MORN3: variants seen among roughly 807,000 people sequenced by gnomAD.
MORN3 encodes the protein MORN repeat-containing protein 3.
A neutral mutation model predicts 34.7 loss-of-function variants in MORN3; 38 were observed. That is an observed-to-expected ratio of 1.10 (90% CI 0.85 to 1.44). The LOEUF (loss-of-function observed/expected upper bound fraction) is 1.44, where lower values mean the gene tolerates loss of function less well. Among genes scored for constraint, MORN3 ranks in the 40% most tolerant of loss-of-function variants. The pLI is 0.00. For synonymous variants in MORN3, 109 were observed against 115.3 expected (o/e 0.95, Z 0.35); for missense variants, 311 against 321.7 (o/e 0.97, Z 0.25).
chr12:121,652,936 C>A, intron 4 of MORN3, 128 bp from the exon 5 acceptor site: 1 of 1,419,580 alleles, frequency 7.0e-7, no homozygotes. Context: ...GCTAGGGATG[C>A]CCTGACTGAA....
At chr12:121,653,017 A>G (rs1594219236) in intron 4 of MORN3, 58 bp downstream of exon 4, 2 of 1,528,518 alleles carry the variant, frequency 1.3e-6, no homozygotes, top group Non-Finnish European at 1.8e-6. Context: ...ATGGCTGGGG[A>G]TGCTGGCTTC....
At chr12:121,657,877 TA>T (rs1893456095) in intron 2 of MORN3, among the ~76,000 whole-genome samples, 1 of 151,106 alleles carries the variant, frequency 6.6e-6, no homozygotes, top group Non-Finnish European at 1.5e-5. Flanking sequence ...AAAAAATAAA[TA>T]AATTAATAAT....
Position 121,652,727 on chromosome 12 carries a change from C to T in MORN3, c.*6+1G>A, listed in dbSNP as rs1893287776. The T allele has an allele frequency of 1.2e-6, 2 of 1,613,956 alleles. No individual in the cohort carries two copies. Among genetic ancestry groups the T allele is most frequent in the Admixed American group, 1.7e-5 (1 of 59,998 alleles). On this transcript the variant is annotated splice_donor_variant, in intron 5 of 5. Transcript: ENST00000355329. LOFTEE classifies it low-confidence loss of function (3UTR_SPLICE). ...ACTTGGCAGGTGTGCCCACCCCTCACCTGGCATCAATCTCCTTCCTCTGTC... is the reference window on the plus strand; with the variant it reads ...ACTTGGCAGGTGTGCCCACCCCTCATCTGGCATCAATCTCCTTCCTCTGTC...
intron 1 of MORN3, among the ~76,000 whole-genome samples, chr12:121,666,717 C>T (rs1212065126): frequency 2.6e-5 from 4 of 151,940 alleles, no homozygotes; most frequent in Non-Finnish European, 5.9e-5. Context: ...TGGGGTGCTT[C>T]GTTCTCCTGC....
At position 121,669,349 on chromosome 12, in the gene MORN3, G is replaced by A. The variant is rs35343615; in HGVS notation, c.135C>T (p.Asn45=). Residue 45 remains asparagine, a synonymous_variant, in exon 1 of 6, where the codon AAC becomes AAT. Coordinates refer to ENST00000355329, the MANE Select transcript of MORN3 (RefSeq NM_173855.5). ...CGGAGTCCCACTCACCGTGTTTCAC[G>A]TTGTCCTTCCACTCGCCCACATAGT... The part of the protein sequence containing the change: ...GDYYVGEWKD[N]VKHGKGTQVW... 0.034 allele frequency: 55,368 copies of A among 1,613,452 alleles called. 1,552 individuals are homozygous for A. The highest frequency in any genetic ancestry group is 0.17 in the East Asian group (7,591 of 44,778).
chr12:121,660,437 C>T (rs1456568818), intron 1 of MORN3, among the ~76,000 whole-genome samples: 2 of 147,924 alleles, frequency 1.4e-5, no homozygotes, highest in African/African-American at 2.5e-5. Flanking sequence ...CTGCAACCTC[C>T]GCCTCCTGGT....
intron 2 of MORN3, among the ~76,000 whole-genome samples, chr12:121,656,872 T>C (rs144069994): frequency 2.6e-5 from 4 of 152,286 alleles, no homozygotes; most frequent in Middle Eastern, 3.4e-3. Context: ...CTGGGCACCC[T>C]GTGAAAACAT....
At chr12:121,658,208 T>C (rs931836059) in intron 2 of MORN3, among the ~76,000 whole-genome samples, 9 of 152,134 alleles carry the variant, frequency 5.9e-5, no homozygotes, top group African/African-American at 2.2e-4. Context: ...TGTTTGCTTA[T>C]CAATAAAATG....
upstream of MORN3, among the ~76,000 whole-genome samples, chr12:121,670,399 G>A (rs1014832207): frequency 7.9e-5 from 12 of 152,142 alleles, no homozygotes; most frequent in Admixed American, 5.9e-4. Context: ...CTTGGCAGAG[G>A]TTGCAGTAAG....
chr12:121,653,590 C>T (rs1440738220), intron 3 of MORN3, among the ~76,000 whole-genome samples: 2 of 152,124 alleles, frequency 1.3e-5, no homozygotes, highest in Non-Finnish European at 2.9e-5. Flanking sequence ...GAGTGACAAC[C>T]TCCGCCTCCC....
intron 5 of MORN3, among the ~76,000 whole-genome samples, chr12:121,652,188 C>A (rs1290258753): frequency 6.6e-6 from 1 of 152,010 alleles, no homozygotes; most frequent in East Asian, 1.9e-4. Context: ...CCCACCTCGG[C>A]CTCCCAAAGT....
chr12:121,669,839 T>A (rs1218525922), upstream of MORN3, among the ~76,000 whole-genome samples: 2 of 139,896 alleles, frequency 1.4e-5, no homozygotes, highest in South Asian at 2.2e-4. Context: ...TATATTTTTT[T>A]TTTTATGTCT....
chr12:121,652,243 GT>G (rs558930492), intron 5 of MORN3, among the ~76,000 whole-genome samples: 1 of 150,096 alleles, frequency 6.7e-6, no homozygotes, highest in Non-Finnish European at 1.5e-5. Context: ...GGCGAGTTTT[GT>G]TTTTTTTGAG....
At chr12:121,670,285 T>G (rs1893919255), upstream of MORN3, among the ~76,000 whole-genome samples, 1 of 151,432 alleles carries the variant, frequency 6.6e-6, no homozygotes, top group Non-Finnish European at 1.5e-5. Context: ...AAGCTGGGAG[T>G]GGGGAAACAA....
intron 1 of MORN3, among the ~76,000 whole-genome samples, chr12:121,668,188 C>T (rs568628882): frequency 2.6e-5 from 4 of 151,912 alleles, no homozygotes; most frequent in Non-Finnish European, 4.4e-5. Flanking sequence ...GGATCCTAAC[C>T]CAGGTTTATT....
chr12:121,664,197 T>C (rs1412799762), intron 1 of MORN3, among the ~76,000 whole-genome samples: 2 of 152,168 alleles, frequency 1.3e-5, no homozygotes, highest in Non-Finnish European at 2.9e-5. Context: ...TCCAGTGACA[T>C]TAAGCCCCTG....
intron 3 of MORN3, among the ~76,000 whole-genome samples, 169 bp downstream of exon 3, chr12:121,654,105 T>C (rs1212120036): frequency 6.6e-6 from 1 of 152,078 alleles, no homozygotes; most frequent in Non-Finnish European, 1.5e-5. Context: ...CTTTTGTGAC[T>C]GAGGGGAGAG....
upstream of MORN3, among the ~76,000 whole-genome samples, chr12:121,670,700 T>C (rs1423699701): frequency 2.0e-5 from 3 of 151,718 alleles, no homozygotes; most frequent in Non-Finnish European, 4.4e-5. Context: ...TCCCAGCTAC[T>C]CAGGAGGCTG....
intron 2 of MORN3, among the ~76,000 whole-genome samples, chr12:121,658,884 A>C (rs1230928684): frequency 6.6e-6 from 1 of 152,154 alleles, no homozygotes; most frequent in Non-Finnish European, 1.5e-5. Flanking sequence ...AAAGAAAGCC[A>C]GGAAACGAGG....
Sources: allele counts gnomAD v4.1 joint callset (sites outside exome capture counted in the v4.1 genomes callset), GRCh38; gene constraint gnomAD v4.1.1; transcripts MANE v1.5; gene names NCBI Gene and HGNC (gene_info 2026-07-23, HGNC 2026-07-21).